The following CLVS1 variants were observed in gnomAD, a reference collection of about 807,000 sequenced individuals.
CLVS1 encodes the protein clavesin-1.
CLVS1 carries 10 observed loss-of-function variants against 33.1 expected under a neutral mutation model. The observed-to-expected ratio is 0.30, with a 90% CI of 0.19 to 0.51. The LOEUF is 0.51. CLVS1 is among the 20% of genes least tolerant of loss of function. The probability of loss-of-function intolerance (pLI) is 0.97; values close to 1 mark genes in which losing one functional copy is unlikely to be tolerated. For missense variants in CLVS1, 343 were observed against 433.4 expected, an observed-to-expected ratio of 0.79 and a Z score of 1.85; for synonymous variants, 163 against 166.1, an observed-to-expected ratio of 0.98 and a Z score of 0.14.
At chr8:61,237,784 C>CAGAGAGG (rs1210452433) in intron 2 of CLVS1, among the ~76,000 whole-genome samples, 1 of 152,018 alleles carries the variant, frequency 6.6e-6, no homozygotes, top group East Asian at 2.0e-4. Flanking sequence ...TGGAGATGGT[C>CAGAGAGG]AGACCAAGAA....
At chr8:61,143,489 G>A (rs1335030384) in intron 2 of CLVS1, among the ~76,000 whole-genome samples, 1 of 152,094 alleles carries the variant, frequency 6.6e-6, no homozygotes, top group Non-Finnish European at 1.5e-5. Context: ...TGTGCACTCA[G>A]AGAACCACCC....
intron 3 of CLVS1, among the ~76,000 whole-genome samples, chr8:61,424,322 G>A (rs1300323546): frequency 6.6e-6 from 1 of 152,158 alleles, no homozygotes; most frequent in African/African-American, 2.4e-5. Flanking sequence ...CTTGATAAAT[G>A]GCTACTCTTC....
chr8:60,969,879 T>C, the CLVS1 span, among the ~76,000 whole-genome samples: 1 of 152,094 alleles, frequency 6.6e-6, no homozygotes, highest in Non-Finnish European at 1.5e-5. Flanking sequence ...TTATAAGTAA[T>C]CTAGAGATGA....
chr8:61,097,236 G>A (rs1241080205), intron 1 of CLVS1, among the ~76,000 whole-genome samples: 1 of 151,510 alleles, frequency 6.6e-6, no homozygotes, highest in Non-Finnish European at 1.5e-5. Flanking sequence ...AGCTTGCAGT[G>A]AGCCGAGATC....
At chr8:61,229,093 G>A (rs376890769) in intron 2 of CLVS1, among the ~76,000 whole-genome samples, 12 of 152,048 alleles carry the variant, frequency 7.9e-5, no homozygotes, top group Admixed American at 3.9e-4. Context: ...ATGATGTTGC[G>A]CACTTTTCAT....
At chr8:61,134,881 A>T (rs906462035) in intron 2 of CLVS1, among the ~76,000 whole-genome samples, 1 of 152,022 alleles carries the variant, frequency 6.6e-6, no homozygotes, top group African/African-American at 2.4e-5. Context: ...GGACATAGAC[A>T]TCTTTGCTGG....
intron 1 of CLVS1, among the ~76,000 whole-genome samples, chr8:61,093,168 TATATAC>T (rs1805282251): frequency 6.6e-6 from 1 of 152,212 alleles, no homozygotes; most frequent in Admixed American, 6.5e-5. Context: ...ATATGACAGC[TATATAC>T]ATCTTTATGA....
intron 2 of CLVS1, among the ~76,000 whole-genome samples, chr8:61,270,000 T>G (rs2129592641): frequency 6.7e-6 from 1 of 150,124 alleles, no homozygotes; most frequent in South Asian, 2.1e-4. Context: ...TTGAATACCC[T>G]TTATTTCCTT....
At chr8:61,339,326 G>C (rs1193139723) in intron 2 of CLVS1, among the ~76,000 whole-genome samples, 1 of 152,204 alleles carries the variant, frequency 6.6e-6, no homozygotes. Context: ...CATGGACAGA[G>C]CCTCAAGGCA....
chr8:61,360,182 A>G (rs1358997373), intron 2 of CLVS1, among the ~76,000 whole-genome samples: 3 of 152,172 alleles, frequency 2.0e-5, no homozygotes, highest in Non-Finnish European at 4.4e-5. Context: ...CACCTTTCCC[A>G]CTGCATTAAC....
chr8:61,123,577 A>G lies in CLVS1; in HGVS notation c.-242-8193A>G, dbSNP rs539942151. ...AATTTTTTCCCCAAGGTTTCAAAATAACTATAAATATTTTTTTCTTCATTA... is the reference window on the plus strand; with the variant it reads ...AATTTTTTCCCCAAGGTTTCAAAATGACTATAAATATTTTTTTCTTCATTA... On this transcript the variant is annotated intron_variant, in intron 1 of 2. Coordinates refer to the CLVS1 transcript ENST00000522621. 7.9e-5 allele frequency among the ~76,000 whole-genome samples: 12 copies of G among 152,386 alleles called. No individual in the cohort carries two copies. In the South Asian group the frequency reaches 2.3e-3, roughly 29 times the overall value.
upstream of CLVS1, among the ~76,000 whole-genome samples, chr8:61,055,584 G>A (rs962049895): frequency 1.5e-4 from 23 of 152,152 alleles, no homozygotes; most frequent in Non-Finnish European, 2.9e-4. Flanking sequence ...TGTTTCCCAA[G>A]CCCTTTCCAT....
chr8:61,455,410 T>C (rs545322054), intron 4 of CLVS1, among the ~76,000 whole-genome samples: 23 of 152,304 alleles, frequency 1.5e-4, no homozygotes, highest in Non-Finnish European at 2.9e-4. Context: ...TCTATACTTC[T>C]ATGATTTCAA....
Position 61,299,662 on chromosome 8 carries a change from GTA to G in CLVS1, c.-151-13_-151-12del. On this transcript the variant is annotated splice_polypyrimidine_tract_variant and intron_variant, in intron 1 of 5. Transcript: ENST00000325897. The stretch of plus-strand genomic sequence containing the variant: ...CATCTCTCTTCTGTTTCTTTTGTGT[GTA>G]TTTGTTTTTCAGTAAGCAATGGCCT... 1.7e-6 allele frequency: 1 copy of G among 586,018 alleles called. No homozygotes were observed. Among genetic ancestry groups the G allele is most frequent in the East Asian group, 2.8e-5 (1 of 35,776 alleles). 36.3% of individuals were successfully genotyped at this position (586,018 alleles called of 1,614,324 possible). A position where few individuals can be genotyped will look rare whatever the true frequency, so the allele number is the denominator to read the frequency against.
At chr8:61,088,971 T>C (rs1805180960) in intron 1 of CLVS1, among the ~76,000 whole-genome samples, 1 of 151,962 alleles carries the variant, frequency 6.6e-6, no homozygotes, top group African/African-American at 2.4e-5. Context: ...CTGGCTAATT[T>C]TTTTGTATTT....
intron 2 of CLVS1, among the ~76,000 whole-genome samples, chr8:61,232,057 T>G (rs1272657967): frequency 7.7e-6 from 1 of 130,368 alleles, no homozygotes; most frequent in South Asian, 2.6e-4. Context: ...TTTTGTGAGA[T>G]GGAGTCTCGC....
At chr8:61,455,111 C>T (rs912304315) in intron 4 of CLVS1, among the ~76,000 whole-genome samples, 5 of 151,266 alleles carry the variant, frequency 3.3e-5, no homozygotes, top group Non-Finnish European at 7.4e-5. Flanking sequence ...TTTTATATAC[C>T]TATGCATTGT....
At chr8:61,378,191 TA>T (rs1326703374) in intron 3 of CLVS1, 5 of 152,372 alleles carry the variant, frequency 3.3e-5, no homozygotes, top group African/African-American at 9.6e-5. Flanking sequence ...TTACCTTTTT[TA>T]AAAAAGATAA....
upstream of CLVS1, among the ~76,000 whole-genome samples, chr8:61,285,706 G>C (rs1163811520): frequency 6.6e-6 from 1 of 152,174 alleles, no homozygotes; most frequent in Non-Finnish European, 1.5e-5. Flanking sequence ...GTGTTGACCA[G>C]TGACAGGTAA....
Sources: allele counts gnomAD v4.1 joint callset (sites outside exome capture counted in the v4.1 genomes callset), GRCh38; gene constraint gnomAD v4.1.1; transcripts MANE v1.5; gene names NCBI Gene and HGNC (gene_info 2026-07-23, HGNC 2026-07-21).